The following CTNND2 variants were observed in gnomAD, a reference collection of about 807,000 sequenced individuals.
CTNND2 encodes the protein catenin delta 2.
CTNND2 carries 22 observed loss-of-function variants against 144.4 expected under a neutral mutation model. The ratio of observed to expected loss-of-function variants is 0.15; its 90% CI spans 0.11 to 0.22. The LOEUF is 0.22. Among genes scored for constraint, CTNND2 ranks in the 10% least tolerant of loss-of-function variants. The pLI is 1.00. For missense variants in CTNND2, 1,353 were observed against 1,618.8 expected, an observed-to-expected ratio of 0.84 and a Z score of 2.82; for synonymous variants, 751 against 695.6, an observed-to-expected ratio of 1.08 and a Z score of -1.25.
At chr5:11,724,840 A>T (rs900272446) in intron 2 of CTNND2, among the ~76,000 whole-genome samples, 1 of 152,198 alleles carries the variant, frequency 6.6e-6, no homozygotes, top group African/African-American at 2.4e-5. Flanking sequence ...CAAATGACTA[A>T]ATCTATTGAC....
At chr5:11,565,691 A>G (rs1777035611) in intron 2 of CTNND2, among the ~76,000 whole-genome samples, 1 of 152,226 alleles carries the variant, frequency 6.6e-6, no homozygotes, top group South Asian at 2.1e-4. Flanking sequence ...AATTGAACCA[A>G]TGAAAAATGC....
At chr5:11,274,405 T>G (rs1746319833) in intron 9 of CTNND2, among the ~76,000 whole-genome samples, 1 of 152,156 alleles carries the variant, frequency 6.6e-6, no homozygotes, top group Non-Finnish European at 1.5e-5. Context: ...GACCATCTTA[T>G]TAAATCCTCA....
chr5:11,508,254 T>A (rs2150020583), intron 3 of CTNND2: 1 of 152,338 alleles, frequency 6.6e-6, no homozygotes, highest in African/African-American at 2.4e-5. Context: ...AGAAGTCTGT[T>A]TTGTAGTAAC....
intron 1 of CTNND2, among the ~76,000 whole-genome samples, chr5:11,887,176 G>T (rs1736613925): frequency 6.6e-6 from 1 of 151,520 alleles, no homozygotes; most frequent in African/African-American, 2.4e-5. Context: ...GAAGAGATGG[G>T]GTTTAACCAT....
chr5:11,441,868 G>T lies in CTNND2; in HGVS notation c.288-29799C>A, dbSNP rs140813813. ...TTTTCGCCAATATGTGCTTCCATTA[G>T]CATAAACCCGTGCCTTAATTAACTT... On this transcript the variant is annotated intron_variant, in intron 3 of 21. Transcript: ENST00000304623. Among the ~76,000 whole-genome samples the T allele has an allele frequency of 7.9e-5, 12 of 152,178 alleles. 1 individual carries two copies. In the East Asian group the frequency reaches 2.1e-3, roughly 27 times the overall value.
At chr5:11,010,273 G>T (rs938735224) in intron 18 of CTNND2, among the ~76,000 whole-genome samples, 2 of 152,144 alleles carry the variant, frequency 1.3e-5, no homozygotes, top group African/African-American at 4.8e-5. Flanking sequence ...AGGATTTACT[G>T]CTTTTTCATC....
chr5:11,548,090 G>A lies in CTNND2; in HGVS notation c.287+16854C>T, dbSNP rs545711567. On this transcript the variant is annotated intron_variant, in intron 3 of 21. Coordinates refer to ENST00000304623, the MANE Select transcript of CTNND2 (RefSeq NM_001332.4). ...AAATGCATGAACTACCAGCACCCAC[G>A]ACACCATGGGCAAATCTGCACAGAG... Among the ~76,000 whole-genome samples, 4 of 152,270 alleles carry A rather than the reference G, an allele frequency of 2.6e-5. No homozygotes were observed. The South Asian group carries it at 8.3e-4, about 32-fold the overall frequency.
At chr5:10,986,615 A>G (rs35210570) in intron 20 of CTNND2, 161,901 of 455,298 alleles carry the variant, frequency 0.36, 29,995 homozygotes, top group African/African-American at 0.49. Context: ...ATGTAAGGGG[A>G]AACAGTGAAT....
At chr5:11,098,209 T>G (rs183187006) in intron 15 of CTNND2, among the ~76,000 whole-genome samples, 1 of 152,330 alleles carries the variant, frequency 6.6e-6, no homozygotes, top group Admixed American at 6.5e-5. Flanking sequence ...ACACAGGTAT[T>G]TGAGCATTAA....
chr5:11,256,754 G>A lies in CTNND2; in HGVS notation c.1629-19931C>T, dbSNP rs142351014. On this transcript the variant is annotated intron_variant, in intron 9 of 21. Transcript: ENST00000304623. ...GTGAATAATATCCACTGGCCCCAGG[G>A]GCTACGGATGAGGAGGTCAAGGTGG... Among the ~76,000 whole-genome samples, 4 of 152,226 alleles carry A rather than the reference G, an allele frequency of 2.6e-5. No individual in the cohort carries two copies. The East Asian group carries it at 5.8e-4, about 22-fold the overall frequency.
At chr5:11,598,733 G>T (rs1779643163) in intron 2 of CTNND2, among the ~76,000 whole-genome samples, 1 of 152,050 alleles carries the variant, frequency 6.6e-6, no homozygotes, top group African/African-American at 2.4e-5. Context: ...TTAACCAAAA[G>T]ATTTCACAAA....
At chr5:11,197,644 G>A (rs1736998681) in intron 11 of CTNND2, among the ~76,000 whole-genome samples, 1 of 152,140 alleles carries the variant, frequency 6.6e-6, no homozygotes, top group Non-Finnish European at 1.5e-5. Flanking sequence ...GTGAACGGCC[G>A]ACACCCAGAA....
intron 12 of CTNND2, among the ~76,000 whole-genome samples, chr5:11,147,564 T>C (rs1757359316): frequency 6.6e-6 from 1 of 151,844 alleles, no homozygotes; most frequent in African/African-American, 2.4e-5. Flanking sequence ...AGTTCTGAGA[T>C]GCTTAAAATA....
chr5:11,569,733 T>C (rs534706096), intron 2 of CTNND2, among the ~76,000 whole-genome samples: 49 of 152,276 alleles, frequency 3.2e-4, no homozygotes, highest in Admixed American at 5.9e-4. Flanking sequence ...TTAACAATAT[T>C]GAGGCTTCTT....
intron 11 of CTNND2, among the ~76,000 whole-genome samples, chr5:11,185,749 A>C (rs942143116): frequency 6.6e-6 from 1 of 152,182 alleles, no homozygotes; most frequent in Non-Finnish European, 1.5e-5. Flanking sequence ...ACAAACAAAA[A>C]CATCTGTTGG....
In CTNND2 at chr5:11,903,885, G is replaced by C. The variant is rs1246125942; in HGVS notation, c.-32C>G. 7.0e-7 allele frequency: 1 copy of C among 1,431,396 alleles called. No individual in the cohort carries two copies. The highest frequency in any genetic ancestry group is 9.1e-7 in the Non-Finnish European group (1 of 1,100,020). 88.7% of individuals were successfully genotyped at this position (1,431,396 alleles called of 1,614,324 possible). On this transcript the variant is annotated 5_prime_UTR_variant, in exon 1 of 22. Coordinates refer to ENST00000304623, the MANE Select transcript of CTNND2 (RefSeq NM_001332.4). The surrounding 1 kb of genome is among the most constrained non-coding windows in gnomAD (Gnocchi z 5.4). Reference sequence around the variant, plus strand: ...TCCGCCGGCGACAGCTCCTCAGTCCGGGAAGAGGCGTGCGCGGCGCCGCCC... The same window carrying C: ...TCCGCCGGCGACAGCTCCTCAGTCCCGGAAGAGGCGTGCGCGGCGCCGCCC...
At chr5:11,389,242 C>A (rs1360790506) in intron 6 of CTNND2, among the ~76,000 whole-genome samples, 1 of 152,080 alleles carries the variant, frequency 6.6e-6, no homozygotes, top group Non-Finnish European at 1.5e-5. Context: ...GAGAAATGGA[C>A]AAGGAAGCAG....
At chr5:11,176,324 T>A (rs955410850) in intron 11 of CTNND2, among the ~76,000 whole-genome samples, 1 of 145,640 alleles carries the variant, frequency 6.9e-6, no homozygotes, top group African/African-American at 2.6e-5. Flanking sequence ...TTCCCCCATC[T>A]TCTGTCTTGG....
chr5:11,547,554 T>A (rs1775356990), intron 3 of CTNND2, among the ~76,000 whole-genome samples: 1 of 151,934 alleles, frequency 6.6e-6, no homozygotes, highest in South Asian at 2.1e-4. Flanking sequence ...TATTCAGAAT[T>A]AAAATAACTA....
Sources: allele counts gnomAD v4.1 joint callset (sites outside exome capture counted in the v4.1 genomes callset), GRCh38; gene constraint gnomAD v4.1.1; non-coding constraint Gnocchi (gnomAD v3.1); transcripts MANE v1.5; gene names NCBI Gene and HGNC (gene_info 2026-07-23, HGNC 2026-07-21).